The following MYOM2 variants were observed in gnomAD, a reference collection of about 807,000 sequenced individuals.
The protein encoded by MYOM2 is myomesin-2.
MYOM2 carries 254 observed loss-of-function variants against 187.6 expected under a neutral mutation model. That is an observed-to-expected ratio of 1.35 (90% CI 1.22 to 1.50). MYOM2 has a LOEUF of 1.50. Ranked by LOEUF, MYOM2 falls within the 40% of genes most tolerant of loss-of-function variation. The probability of loss-of-function intolerance (pLI) is 0.00; values close to 1 mark genes in which losing one functional copy is unlikely to be tolerated. For missense variants in MYOM2, 2,796 were observed against 1,924.0 expected (o/e 1.45, Z -8.48); for synonymous variants, 981 against 753.8 (o/e 1.30, Z -4.94).
intron 14 of MYOM2, 73 bp from the exon 15 acceptor site, chr8:2,089,935 T>G: frequency 6.9e-7 from 1 of 1,458,778 alleles, no homozygotes; most frequent in Non-Finnish European, 9.4e-7. Context: ...AACAGAGCAT[T>G]TCTTCCTCCT....
At chr8:2,106,468 C>G in intron 22 of MYOM2, 23 bp from the exon 23 acceptor site, 2 of 1,610,132 alleles carry the variant, frequency 1.2e-6, no homozygotes, top group African/African-American at 1.3e-5. Flanking sequence ...GATCGACATT[C>G]ACCTACTCTT....
intron 8 of MYOM2, 37 bp from the exon 9 acceptor site, chr8:2,072,308 C>T (rs1585851938): frequency 1.9e-6 from 3 of 1,595,776 alleles, no homozygotes; most frequent in Non-Finnish European, 2.6e-6. Flanking sequence ...ATGCTCTCTG[C>T]CCTTCGGCCC....
intron 25 of MYOM2, among the ~76,000 whole-genome samples, chr8:2,111,456 T>C (rs962689998): frequency 2.4e-4 from 37 of 152,208 alleles, no homozygotes; most frequent in African/African-American, 8.4e-4. Flanking sequence ...AATCATACCT[T>C]TTTCTTACTC....
At chr8:2,077,877 T>G (rs924007387) in intron 11 of MYOM2, among the ~76,000 whole-genome samples, 1 of 152,216 alleles carries the variant, frequency 6.6e-6, no homozygotes, top group Non-Finnish European at 1.5e-5. Context: ...GTTGCAGGTT[T>G]TCCCATCAGA....
At position 2,119,787 on chromosome 8, in the gene MYOM2, G is replaced by C. The variant is rs897267289; in HGVS notation, c.3453+1835G>C. 2.0e-5 allele frequency among the ~76,000 whole-genome samples: 3 copies of C among 152,254 alleles called. No individual in the cohort carries two copies. In the East Asian group the frequency reaches 5.8e-4, roughly 30 times the overall value. ...AGCACATGGGGACACAGGAGGGGCA[G>C]TGCTGGCCTGGAGGGAGATGAGACC... On this transcript the variant is annotated intron_variant, in intron 28 of 36. Coordinates refer to ENST00000262113, the MANE Select transcript of MYOM2 (RefSeq NM_003970.4).
At chr8:2,073,599 G>T (rs968476081) in intron 10 of MYOM2, 99 bp downstream of exon 10, 2 of 1,381,574 alleles carry the variant, frequency 1.4e-6, no homozygotes, top group Middle Eastern at 5.3e-4. Context: ...GAGTCCAGAG[G>T]GTGTGAGACC....
chr8:2,122,298 G>A (rs748366141), intron 28 of MYOM2, among the ~76,000 whole-genome samples: 1 of 152,222 alleles, frequency 6.6e-6, no homozygotes, highest in Non-Finnish European at 1.5e-5. Context: ...CTACTTTGCA[G>A]CTCAGTGGGA....
chr8:2,122,503 C>G (rs552488876), intron 28 of MYOM2, among the ~76,000 whole-genome samples: 2 of 152,360 alleles, frequency 1.3e-5, no homozygotes, highest in South Asian at 4.1e-4. Context: ...TGCACTGTTA[C>G]TCTAGCAGAG....
intron 23 of MYOM2, 57 bp downstream of exon 23, chr8:2,106,654 T>C: frequency 8.0e-7 from 1 of 1,253,436 alleles, no homozygotes; most frequent in Non-Finnish European, 1.1e-6. Flanking sequence ...TTTCAAAGAT[T>C]GACACCAACA....
chr8:2,095,042 G>A (rs1173564832), intron 17 of MYOM2, among the ~76,000 whole-genome samples: 1 of 152,126 alleles, frequency 6.6e-6, no homozygotes, highest in Non-Finnish European at 1.5e-5. Context: ...CACTTCAGAG[G>A]GAACTATGTG....
intron 32 of MYOM2, 132 bp downstream of exon 32, chr8:2,129,364 A>G: frequency 8.8e-6 from 5 of 570,424 alleles, no homozygotes; most frequent in Non-Finnish European, 1.6e-5. Context: ...ATTTTGAGCA[A>G]TGATGACAAC....
intron 18 of MYOM2, 133 bp downstream of exon 18, chr8:2,096,567 A>T: frequency 1.1e-6 from 1 of 889,276 alleles, no homozygotes; most frequent in Non-Finnish European, 1.7e-6. Flanking sequence ...GCATCATGAG[A>T]TCATGAAGTT....
chr8:2,050,278 G>A (rs1049223719), intron 1 of MYOM2, among the ~76,000 whole-genome samples: 2 of 152,072 alleles, frequency 1.3e-5, no homozygotes, highest in African/African-American at 4.8e-5. Flanking sequence ...CCTCTCAAAT[G>A]TCACCTGCCT....
intron 14 of MYOM2, among the ~76,000 whole-genome samples, chr8:2,087,409 G>A (rs758063185): frequency 6.6e-6 from 1 of 152,152 alleles, no homozygotes; most frequent in Non-Finnish European, 1.5e-5. Flanking sequence ...TGCAATGTAT[G>A]CTATCTGGGG....
intron 6 of MYOM2, among the ~76,000 whole-genome samples, chr8:2,068,370 C>T (rs549015544): frequency 2.1e-5 from 3 of 145,474 alleles, no homozygotes; most frequent in South Asian, 2.2e-4. Flanking sequence ...GTGCACCAGG[C>T]GGAGAGCATC....
At chr8:2,048,198 C>G (rs1423466169) in intron 1 of MYOM2, among the ~76,000 whole-genome samples, 1 of 152,230 alleles carries the variant, frequency 6.6e-6, no homozygotes, top group African/African-American at 2.4e-5. Flanking sequence ...CTGGGGATTG[C>G]TCATGCGTCT....
At chr8:2,071,138 T>C (rs1376819119) in intron 8 of MYOM2, among the ~76,000 whole-genome samples, 1 of 151,920 alleles carries the variant, frequency 6.6e-6, no homozygotes, top group African/African-American at 2.4e-5. Flanking sequence ...CGGCTCGTTT[T>C]TTCTTTATTT....
At chr8:2,082,997 T>C (rs906278285) in intron 13 of MYOM2, among the ~76,000 whole-genome samples, 2 of 152,228 alleles carry the variant, frequency 1.3e-5, no homozygotes, top group Admixed American at 1.3e-4. Context: ...TGTGCGATCT[T>C]AGGAAAGTGA....
chr8:2,103,966 A>T (rs1395441711), intron 21 of MYOM2, among the ~76,000 whole-genome samples: 1 of 152,180 alleles, frequency 6.6e-6, no homozygotes, highest in African/African-American at 2.4e-5. Context: ...TTTTAAAAAG[A>T]TTTGGATGGC....
Sources: allele counts gnomAD v4.1 joint callset (sites outside exome capture counted in the v4.1 genomes callset), GRCh38; gene constraint gnomAD v4.1.1; transcripts MANE v1.5; gene names NCBI Gene and HGNC (gene_info 2026-07-23, HGNC 2026-07-21).